ATAD3A: variants seen among roughly 807,000 people sequenced by gnomAD.
The protein encoded by ATAD3A is ATPase family AAA domain-containing protein 3A.
ATAD3A carries 46 observed loss-of-function variants against 73.8 expected under a neutral mutation model. The ratio of observed to expected loss-of-function variants is 0.62; its 90% CI spans 0.49 to 0.80. ATAD3A has a LOEUF of 0.80. ATAD3A is among the 30% of genes least tolerant of loss of function. The pLI is 0.00. For synonymous variants in ATAD3A, 319 were observed against 350.0 expected, an observed-to-expected ratio of 0.91 and a Z score of 0.99; for missense variants, 705 against 838.0, an observed-to-expected ratio of 0.84 and a Z score of 1.96.
In ATAD3A at chr1:1,523,044, C is replaced by T; in HGVS notation, c.906+145C>T. On this transcript the variant is annotated intron_variant, in intron 8 of 15. Coordinates refer to ENST00000378756, the MANE Select transcript of ATAD3A (RefSeq NM_001170535.3). This position sits in a 1 kb window ranked among gnomAD's most constrained non-coding sequence, Gnocchi z 5.1. Reference sequence around the variant, plus strand: ...CACACTGCTTCACGGGTGGGTTTTCCTGTCTGGCGCTGTACCTTAGGGGTC... The same window carrying T: ...CACACTGCTTCACGGGTGGGTTTTCTTGTCTGGCGCTGTACCTTAGGGGTC... The T allele has an allele frequency of 1.4e-6, 2 of 1,388,000 alleles. No homozygotes were observed. The highest frequency in any genetic ancestry group is 1.5e-5 in the African/African-American group (1 of 64,574). 86.0% of individuals were successfully genotyped at this position (1,388,000 alleles called of 1,614,324 possible).
At chr1:1,533,169 C>T (rs758158484) in intron 15 of ATAD3A, among the ~76,000 whole-genome samples, 7 of 152,186 alleles carry the variant, frequency 4.6e-5, no homozygotes, top group Non-Finnish European at 7.4e-5. Flanking sequence ...GGGACCCACT[C>T]AGCTGTCCAG....
At chr1:1,515,024 C>G (rs1486167634) in intron 1 of ATAD3A, among the ~76,000 whole-genome samples, 1 of 152,170 alleles carries the variant, frequency 6.6e-6, no homozygotes, top group East Asian at 1.9e-4. Context: ...CAGGCGTGCA[C>G]CACTGTGCCC....
chr1:1,530,242 A>G (rs960388018), intron 15 of ATAD3A, among the ~76,000 whole-genome samples: 2 of 152,202 alleles, frequency 1.3e-5, no homozygotes, highest in African/African-American at 4.8e-5. Flanking sequence ...TTCCACAACT[A>G]AGAAAGCAGA....
rs41285832 is a variant in ATAD3A, at chr1:1,527,094, G to A, written c.1337+563G>A. On this transcript the variant is annotated intron_variant, in intron 13 of 15. Transcript: ENST00000378756. The stretch of plus-strand genomic sequence containing the variant: ...TCCCCCATAGGGTGACCGCCCCATG[G>A]CCAGGCTCCCTAGTCCCTCCCAAGT... The A allele has an allele frequency of 1.1e-4, 128 of 1,167,394 alleles. 1 individual carries two copies. Among genetic ancestry groups the A allele is most frequent in the Non-Finnish European group, 1.4e-4 (124 of 870,274 alleles). The allele number at this position is 1,167,394 out of a possible 1,614,324, so 72.3% of individuals were successfully genotyped here.
intron 3 of ATAD3A, 89 bp downstream of exon 3, chr1:1,517,501 C>A: frequency 9.1e-7 from 1 of 1,104,364 alleles, no homozygotes; most frequent in South Asian, 1.7e-5. Flanking sequence ...TCCCGGGGCA[C>A]TCTGGAGTCA....
intron 12 of ATAD3A, 49 bp downstream of exon 12, chr1:1,525,340 A>C (rs1394350943): frequency 6.2e-7 from 1 of 1,610,398 alleles, no homozygotes; most frequent in Non-Finnish European, 8.5e-7. Context: ...GGGTGGGCAC[A>C]GCCGTCTGCC....
At chr1:1,514,844 T>A (rs1199143468) in intron 1 of ATAD3A, among the ~76,000 whole-genome samples, 2 of 152,114 alleles carry the variant, frequency 1.3e-5, no homozygotes, top group African/African-American at 4.8e-5. Context: ...CCTGCCTACT[T>A]TACGTGTCTT....
At chr1:1,524,062 C>T in intron 10 of ATAD3A, 98 bp downstream of exon 10, 4 of 1,597,466 alleles carry the variant, frequency 2.5e-6, no homozygotes, top group South Asian at 1.1e-5. Flanking sequence ...ATGGACCCCC[C>T]TTAGGCCTTT....
chr1:1,527,849 A>G lies in ATAD3A; in HGVS notation c.1492A>G (p.Thr498Ala), dbSNP rs1014925059. Residue 498 changes from threonine to alanine, a missense_variant, in exon 14 of 16, where the codon ACA becomes GCA. Thr to Ala is a moderately conservative substitution (Grantham distance 58). Coordinates refer to ENST00000378756, the MANE Select transcript of ATAD3A (RefSeq NM_001170535.3). ...YFDKYVLKPA[T>A]EGKQRLKLAQ... Reference sequence around the variant, plus strand: ...TGACAAGTATGTTCTTAAGCCGGCCACAGAAGGAAAGCAGTAAGTGTCCCG... The same window carrying G: ...TGACAAGTATGTTCTTAAGCCGGCCGCAGAAGGAAAGCAGTAAGTGTCCCG... 3.7e-6 allele frequency: 6 copies of G among 1,613,150 alleles called. No homozygotes were observed. The Admixed American group carries it at 1.0e-4, about 27-fold the overall frequency.
chr1:1,516,861 G>T (rs1419186511), intron 2 of ATAD3A, among the ~76,000 whole-genome samples: 1 of 152,016 alleles, frequency 6.6e-6, no homozygotes, highest in Non-Finnish European at 1.5e-5. Context: ...ACAAGAGCCC[G>T]CCACCACATC....
intron 5 of ATAD3A, 108 bp downstream of exon 5, chr1:1,519,098 T>C (rs1000681967): frequency 1.0e-4 from 161 of 1,593,466 alleles, no homozygotes; most frequent in Middle Eastern, 8.9e-4. Flanking sequence ...TAGCTACCAG[T>C]GCAGTGGGCG....
chr1:1,534,417 G>A lies in ATAD3A; in HGVS notation c.*345G>A. The A allele has an allele frequency of 7.7e-7, 1 of 1,299,688 alleles. No individual in the cohort carries two copies. The highest frequency in any genetic ancestry group is 9.8e-7 in the Non-Finnish European group (1 of 1,015,830). The allele number at this position is 1,299,688 out of a possible 1,614,324, so 80.5% of individuals were successfully genotyped here. ...TGCTGGCTGAGCCCCCGGGGCAGCA[G>A]GAGCCAGGCAGGTGATGTCTTTGTT... On this transcript the variant is annotated 3_prime_UTR_variant, in exon 16 of 16. Coordinates refer to ENST00000378756, the MANE Select transcript of ATAD3A (RefSeq NM_001170535.3).
At position 1,520,703 on chromosome 1, in the gene ATAD3A, G is replaced by GGCTCTGCACAGCCCTGTA. The variant is rs1641560516; in HGVS notation, c.750+92_750+109dup. The GGCTCTGCACAGCCCTGTA allele has an allele frequency of 6.2e-7, 1 of 1,602,008 alleles. No homozygotes were observed. Among genetic ancestry groups the GGCTCTGCACAGCCCTGTA allele is most frequent in the Non-Finnish European group, 8.5e-7 (1 of 1,171,550 alleles). On this transcript the variant is annotated intron_variant, in intron 7 of 15. Coordinates refer to ENST00000378756, the MANE Select transcript of ATAD3A (RefSeq NM_001170535.3). This position sits in a 1 kb window ranked among gnomAD's most constrained non-coding sequence, Gnocchi z 4.0. ...TGGAGCCCCAGGTCCTGTCCCTGCC[G>GGCTCTGCACAGCCCTGTA]GCTCTGCACAGCCCTGTAGCTCTCC... is the stretch of plus-strand genomic sequence containing the variant.
chr1:1,531,485 T>G (rs1174714970), intron 15 of ATAD3A, among the ~76,000 whole-genome samples: 2 of 144,632 alleles, frequency 1.4e-5, no homozygotes, highest in African/African-American at 2.6e-5. Context: ...TAATAATAAC[T>G]GGGGCTGGAC....
chr1:1,527,957 C>CTT, intron 14 of ATAD3A, 95 bp downstream of exon 14: 1 of 1,214,484 alleles, frequency 8.2e-7, no homozygotes, highest in African/African-American at 1.9e-5. Flanking sequence ...CTTTAACATT[C>CTT]CTTTTTTTTT....
intron 7 of ATAD3A, 28 bp from the exon 8 acceptor site, chr1:1,522,716 G>A (rs1305075594): frequency 5.6e-6 from 9 of 1,610,406 alleles, no homozygotes; most frequent in Non-Finnish European, 7.6e-6. Flanking sequence ...GTGGGGGCCG[G>A]TGCGCCAGTG....
At chr1:1,524,862 C>T (rs959703773) in intron 11 of ATAD3A, among the ~76,000 whole-genome samples, 13 of 151,290 alleles carry the variant, frequency 8.6e-5, no homozygotes, top group Admixed American at 2.0e-4. Flanking sequence ...CGGCTGTCCT[C>T]GTTGGAACCA....
chr1:1,522,491 G>A (rs1641634155), intron 7 of ATAD3A, among the ~76,000 whole-genome samples: 1 of 152,260 alleles, frequency 6.6e-6, no homozygotes, highest in Non-Finnish European at 1.5e-5. Flanking sequence ...CAGCGACCGA[G>A]GCTTTCTAGG....
chr1:1,523,240 G>A lies in ATAD3A; in HGVS notation c.907-271G>A, dbSNP rs1440347999. 4.6e-5 allele frequency among the ~76,000 whole-genome samples: 7 copies of A among 151,936 alleles called. No homozygotes were observed. The highest frequency in any genetic ancestry group is 1.5e-4 in the African/African-American group (6 of 41,278). On this transcript the variant is annotated intron_variant, in intron 8 of 15. Coordinates refer to ENST00000378756, the MANE Select transcript of ATAD3A (RefSeq NM_001170535.3). This position sits in a 1 kb window ranked among gnomAD's most constrained non-coding sequence, Gnocchi z 5.1. ...TCTGGTGGCCTCCCTGGGGAGCCGCGCCGCTCGCCGCCCCCGAGGTGCCTG... is the reference window on the plus strand; with the variant it reads ...TCTGGTGGCCTCCCTGGGGAGCCGCACCGCTCGCCGCCCCCGAGGTGCCTG...
Sources: allele counts gnomAD v4.1 joint callset (sites outside exome capture counted in the v4.1 genomes callset), GRCh38; gene constraint gnomAD v4.1.1; non-coding constraint Gnocchi (gnomAD v3.1); transcripts MANE v1.5; gene names NCBI Gene and HGNC (gene_info 2026-07-23, HGNC 2026-07-21).